Variants in VRK3 observed in about 807,000 individuals in gnomAD.
VRK3 encodes the protein serine/threonine-protein kinase VRK3.
In VRK3, 50 loss-of-function variants were observed where a neutral mutation model predicts 60.4. The observed-to-expected ratio is 0.83, with a 90% CI of 0.66 to 1.05. VRK3 has a LOEUF of 1.05. Among genes scored for constraint, VRK3 ranks in the 50% least tolerant of loss-of-function variants. VRK3 has a pLI of 0.00. For missense variants in VRK3, 549 were observed against 585.3 expected (o/e 0.94, Z 0.64); for synonymous variants, 246 against 227.8 (o/e 1.08, Z -0.72).
At chr19:49,988,269 C>A in intron 12 of VRK3, 103 bp downstream of exon 12, 1 of 1,495,942 alleles carries the variant, frequency 6.7e-7, no homozygotes, top group Non-Finnish European at 9.0e-7. Flanking sequence ...CTGCTGGATG[C>A]CACCTCCCCT....
intron 7 of VRK3, among the ~76,000 whole-genome samples, chr19:49,996,582 GT>G (rs1237819937): frequency 6.6e-6 from 1 of 152,158 alleles, no homozygotes; most frequent in Non-Finnish European, 1.5e-5. Flanking sequence ...CATTACCTTT[GT>G]TTTGAATATA....
At chr19:49,995,093 A>C (rs1600678216) in intron 8 of VRK3, 98 bp downstream of exon 8, 1 of 1,390,850 alleles carries the variant, frequency 7.2e-7, no homozygotes, top group Non-Finnish European at 1.0e-6. Flanking sequence ...GGAAGCAAAG[A>C]CCTGGCCCAC....
chr19:50,016,353 A>G (rs1421364094), intron 2 of VRK3, among the ~76,000 whole-genome samples, 190 bp from the exon 3 acceptor site: 2 of 152,206 alleles, frequency 1.3e-5, no homozygotes, highest in South Asian at 2.1e-4. Context: ...CCAAATATCA[A>G]TATGCTCCCC....
chr19:49,983,282 C>T (rs151290843), intron 12 of VRK3, among the ~76,000 whole-genome samples: 2 of 152,326 alleles, frequency 1.3e-5, no homozygotes, highest in Non-Finnish European at 2.9e-5. Flanking sequence ...CTGCACATAT[C>T]GCTCTCGCTG....
intron 12 of VRK3, 183 bp from the exon 13 acceptor site, chr19:49,981,196 A>C (rs533929047): frequency 4.7e-6 from 3 of 632,644 alleles, no homozygotes; most frequent in Non-Finnish European, 8.5e-6. Context: ...CATTGCTCCC[A>C]AGGGAAACAG....
At chr19:50,024,062 C>T (rs939977301) in intron 1 of VRK3, among the ~76,000 whole-genome samples, 3 of 152,272 alleles carry the variant, frequency 2.0e-5, no homozygotes, top group East Asian at 1.9e-4. Context: ...CTCAACCTCC[C>T]GAGTAGCTGG....
chr19:50,005,347 G>A (rs1460031083), intron 5 of VRK3, among the ~76,000 whole-genome samples: 1 of 149,248 alleles, frequency 6.7e-6, no homozygotes, highest in Non-Finnish European at 1.5e-5. Context: ...AATTGTCTAC[G>A]TGCCTGTCTG....
Position 50,007,764 on chromosome 19 carries a change from C to A in VRK3, c.352G>T (p.Val118Leu), listed in dbSNP as rs1251477181. Reference sequence around the variant, plus strand: ...GTCTTCTGAGGGCTACCCCTGGTCACCTGAGGGCTCTTCCTGGTCTTCTGA... The same window carrying A: ...GTCTTCTGAGGGCTACCCCTGGTCAACTGAGGGCTCTTCCTGGTCTTCTGA... ...SPQKTRKSPQ[V>L]TRGSPQKTSC... The change falls in exon 5 of 15, where the codon GTG becomes TTG. Residue 118 changes from valine to leucine, a missense_variant. Coordinates refer to ENST00000316763, the MANE Select transcript of VRK3 (RefSeq NM_016440.4). 1 of 1,613,948 alleles carries A rather than the reference C, an allele frequency of 6.2e-7. No individual in the cohort carries two copies. Among genetic ancestry groups the A allele is most frequent in the Admixed American group, 1.7e-5 (1 of 60,014 alleles).
chr19:50,021,838 T>G (rs2077175542), intron 1 of VRK3, among the ~76,000 whole-genome samples: 1 of 152,248 alleles, frequency 6.6e-6, no homozygotes, highest in African/African-American at 2.4e-5. Flanking sequence ...TGCAGACCAC[T>G]GTGCTAAGTT....
At position 49,988,406 on chromosome 19, in the gene VRK3, G is replaced by A. The variant is rs1168492115; in HGVS notation, c.1183C>T (p.Pro395Ser). 1.2e-6 allele frequency: 2 copies of A among 1,613,458 alleles called. No individual in the cohort carries two copies. The highest frequency in any genetic ancestry group is 1.7e-5 in the Admixed American group (1 of 59,998). ...YGFLPWTNCL[P>S]NTEDIMKQKQ... The stretch of plus-strand genomic sequence containing the variant: ...TGCTTCATGATGTCCTCAGTGTTGG[G>A]AAGGCAATTTGTCCATGGCAGAAAC... Residue 395 changes from proline to serine, a missense_variant, in exon 12 of 15, where the codon CCC becomes TCC. By Grantham distance (74) the Pro-to-Ser change is moderately conservative. Coordinates refer to ENST00000316763, the MANE Select transcript of VRK3 (RefSeq NM_016440.4).
At chr19:49,977,232 C>T (rs1195725116) in intron 14 of VRK3, among the ~76,000 whole-genome samples, 4 of 151,748 alleles carry the variant, frequency 2.6e-5, no homozygotes, top group South Asian at 2.1e-4. Context: ...GCTGGTGCAT[C>T]GTGCACGGGG....
chr19:50,018,609 C>A (rs899994827), intron 2 of VRK3, among the ~76,000 whole-genome samples: 7 of 152,234 alleles, frequency 4.6e-5, no homozygotes, highest in Admixed American at 4.6e-4. Flanking sequence ...GGTCAAGTAT[C>A]TTTTACTCTC....
intron 10 of VRK3, among the ~76,000 whole-genome samples, 184 bp downstream of exon 10, chr19:49,992,676 C>T (rs987014052): frequency 3.9e-5 from 6 of 152,030 alleles, no homozygotes; most frequent in African/African-American, 7.3e-5. Context: ...TTAAGAATTG[C>T]TTTTCTTATC....
chr19:49,985,482 C>G (rs2076496180), intron 12 of VRK3, among the ~76,000 whole-genome samples: 1 of 152,160 alleles, frequency 6.6e-6, no homozygotes, highest in South Asian at 2.1e-4. Context: ...CTGTTTAAAG[C>G]TTCATGGTCC....
rs961034031 is a variant in VRK3 at position 49,989,854 on chromosome 19, C to T, written c.964-83G>A. On this transcript the variant is annotated intron_variant, in intron 10 of 14. Coordinates refer to ENST00000316763, the MANE Select transcript of VRK3 (RefSeq NM_016440.4). ...TTTCCATCGTGGGTGCAAGTGACAA[C>T]AAACATTCTACCAAAGATGGCATTT... 7 of 1,440,824 alleles carry T rather than the reference C, an allele frequency of 4.9e-6. No individual in the cohort carries two copies. In the East Asian group the frequency reaches 7.4e-5, roughly 15 times the overall value. 89.3% of individuals were successfully genotyped at this position (1,440,824 alleles called of 1,614,324 possible). A position where few individuals can be genotyped will look rare whatever the true frequency, so the allele number is the denominator to read the frequency against.
chr19:50,012,163 G>T (rs980411339), intron 3 of VRK3, among the ~76,000 whole-genome samples: 2 of 152,112 alleles, frequency 1.3e-5, no homozygotes, highest in South Asian at 4.1e-4. Flanking sequence ...CAGAGACAGG[G>T]TTTCTCCATG....
intron 12 of VRK3, chr19:49,982,099 A>T (rs1400150717): frequency 1.4e-6 from 1 of 702,602 alleles, no homozygotes; most frequent in Admixed American, 2.0e-5. Context: ...AACTGGGAGG[A>T]GGTGGAAAAC....
chr19:49,980,090 A>G (rs2076398070), intron 13 of VRK3, among the ~76,000 whole-genome samples: 1 of 152,092 alleles, frequency 6.6e-6, no homozygotes, highest in Admixed American at 6.6e-5. Flanking sequence ...ATAAATAATT[A>G]AAAAATGAGC....
chr19:50,005,595 A>T (rs917206677), intron 5 of VRK3, among the ~76,000 whole-genome samples: 2 of 149,910 alleles, frequency 1.3e-5, no homozygotes, highest in Non-Finnish European at 2.9e-5. Context: ...AGCGTTACTC[A>T]TAACAGCCCA....
Sources: allele counts gnomAD v4.1 joint callset (sites outside exome capture counted in the v4.1 genomes callset), GRCh38; gene constraint gnomAD v4.1.1; transcripts MANE v1.5; gene names NCBI Gene and HGNC (gene_info 2026-07-23, HGNC 2026-07-21).